The following B4GALT6 variants were observed in gnomAD, a reference collection of about 807,000 sequenced individuals.
B4GALT6 encodes the protein UDP-Gal:beta-GlcNAc beta-1,4-galactosyltransferase 6.
Under a neutral mutation model 46.3 loss-of-function variants are expected in B4GALT6, and 14 were observed. The observed-to-expected ratio is 0.30, with a 90% CI of 0.20 to 0.47. The LOEUF is 0.47. B4GALT6 is among the 20% of genes least tolerant of loss of function. The pLI, the probability that B4GALT6 is intolerant of heterozygous loss-of-function variation, is 0.99. For missense variants in B4GALT6, 386 were observed against 480.1 expected (o/e 0.80, Z 1.83); for synonymous variants, 168 against 162.0 (o/e 1.04, Z -0.28).
At chr18:31,680,530 C>T (rs1199558949) in intron 1 of B4GALT6, among the ~76,000 whole-genome samples, 1 of 152,108 alleles carries the variant, frequency 6.6e-6, no homozygotes, top group Non-Finnish European at 1.5e-5. Context: ...GGAAGTCAGA[C>T]CAAAGTGGCC....
At position 31,635,961 on chromosome 18, in the gene B4GALT6, T is replaced by C. The variant is rs561903911; in HGVS notation, c.588+2683A>G. 3.9e-5 allele frequency among the ~76,000 whole-genome samples: 6 copies of C among 152,284 alleles called. No homozygotes were observed. The South Asian group carries it at 1.2e-3, about 32-fold the overall frequency. On this transcript the variant is annotated intron_variant, in intron 5 of 8. Coordinates refer to ENST00000306851, the MANE Select transcript of B4GALT6 (RefSeq NM_004775.5). The stretch of plus-strand genomic sequence containing the variant: ...AAATAAAGCCTAGCAGACCTTTTAG[T>C]AGAAACTGACAAGCAGAGTCAATGG...
the B4GALT6 span, among the ~76,000 whole-genome samples, chr18:31,714,142 G>T: frequency 6.6e-6 from 1 of 152,168 alleles, no homozygotes. Flanking sequence ...TTAATTAAGT[G>T]TAAATAAAAT....
At chr18:31,697,106 A>G in the B4GALT6 span, among the ~76,000 whole-genome samples, 1 of 152,136 alleles carries the variant, frequency 6.6e-6, no homozygotes, top group South Asian at 2.1e-4. Flanking sequence ...TCCCATCTCT[A>G]CTAAAAAATA....
intron 1 of B4GALT6, among the ~76,000 whole-genome samples, chr18:31,683,754 C>T (rs1458911142): frequency 6.6e-6 from 1 of 151,980 alleles, no homozygotes; most frequent in Non-Finnish European, 1.5e-5. Flanking sequence ...AATAATGGAG[C>T]ATTGTTTTTA....
chr18:31,689,690 G>A (rs897440676), upstream of B4GALT6, among the ~76,000 whole-genome samples: 1 of 150,958 alleles, frequency 6.6e-6, no homozygotes, highest in African/African-American at 2.4e-5. Flanking sequence ...GTTGCAGTGA[G>A]CCGAGATCAC....
At chr18:31,655,572 C>T (rs1372663087) in intron 3 of B4GALT6, among the ~76,000 whole-genome samples, 1 of 151,988 alleles carries the variant, frequency 6.6e-6, no homozygotes, top group African/African-American at 2.4e-5. Context: ...GAGAGGAGTA[C>T]CAGAATGATG....
Position 31,673,939 on chromosome 18 carries a change from G to GACAC in B4GALT6, c.116-7571_116-7568dup, listed in dbSNP as rs749260872. Among the ~76,000 whole-genome samples, 35 of 150,634 alleles carry GACAC rather than the reference G, an allele frequency of 2.3e-4. No individual in the cohort carries two copies. The East Asian group carries it at 6.4e-3, about 28-fold the overall frequency. The stretch of plus-strand genomic sequence containing the variant: ...ACACTCTCACAGACACACACACACA[G>GACAC]ACACACACACACACACGAAGGCAAT... On this transcript the variant is annotated intron_variant, in intron 1 of 8. Transcript: ENST00000306851.
intron 6 of B4GALT6, 94 bp from the exon 7 acceptor site, chr18:31,627,215 T>A: frequency 2.0e-6 from 2 of 1,019,792 alleles, no homozygotes; most frequent in Non-Finnish European, 2.8e-6. Flanking sequence ...TTGCAAAATA[T>A]GCCCTTATAT....
intron 2 of B4GALT6, among the ~76,000 whole-genome samples, chr18:31,664,223 A>G (rs1365515713): frequency 1.3e-5 from 2 of 152,116 alleles, no homozygotes; most frequent in African/African-American, 2.4e-5. Context: ...AGAAAATGAA[A>G]AGTGTGTGAT....
At chr18:31,670,513 T>C (rs901943019) in intron 1 of B4GALT6, among the ~76,000 whole-genome samples, 5 of 152,196 alleles carry the variant, frequency 3.3e-5, no homozygotes, top group South Asian at 2.1e-4. Context: ...TTACAGCTAA[T>C]TGAGTTACAT....
intron 3 of B4GALT6, among the ~76,000 whole-genome samples, chr18:31,646,281 G>C (rs753568101): frequency 2.6e-5 from 4 of 152,206 alleles, no homozygotes; most frequent in Non-Finnish European, 5.9e-5. Context: ...ATTACTGGAG[G>C]TGTTCTTACT....
chr18:31,720,902 T>A, the B4GALT6 span, among the ~76,000 whole-genome samples: 1 of 152,160 alleles, frequency 6.6e-6, no homozygotes. Flanking sequence ...CCAAAGTGGC[T>A]GAGGCAGGGG....
chr18:31,656,756 G>A (rs2074145333), intron 3 of B4GALT6, among the ~76,000 whole-genome samples: 1 of 151,988 alleles, frequency 6.6e-6, no homozygotes, highest in African/African-American at 2.4e-5. Context: ...AAGAAGCCTG[G>A]GAATGTGAAA....
chr18:31,640,996 G>T (rs1173288906), intron 4 of B4GALT6, among the ~76,000 whole-genome samples: 1 of 152,248 alleles, frequency 6.6e-6, no homozygotes, highest in Non-Finnish European at 1.5e-5. Flanking sequence ...ATGTAGCTTA[G>T]TAAGTCAAGC....
At chr18:31,629,992 AAGG>A (rs912668027) in intron 6 of B4GALT6, among the ~76,000 whole-genome samples, 3 of 147,810 alleles carry the variant, frequency 2.0e-5, no homozygotes, top group Admixed American at 6.7e-5. Flanking sequence ...AAAAAAAAGG[AAGG>A]AGGAGGAGAA....
intron 1 of B4GALT6, among the ~76,000 whole-genome samples, chr18:31,678,333 T>C (rs1326268180): frequency 6.6e-6 from 1 of 152,114 alleles, no homozygotes; most frequent in East Asian, 1.9e-4. Flanking sequence ...TCTTTTTTTT[T>C]CCTCTCTCTC....
chr18:31,697,188 C>G, the B4GALT6 span, among the ~76,000 whole-genome samples: 1 of 152,094 alleles, frequency 6.6e-6, no homozygotes, highest in Non-Finnish European at 1.5e-5. Context: ...GGGAGGATCA[C>G]CTGAGCTTGG....
chr18:31,636,454 T>A (rs1194568525), intron 5 of B4GALT6, among the ~76,000 whole-genome samples: 1 of 152,166 alleles, frequency 6.6e-6, no homozygotes. Flanking sequence ...GAGAAAAAGA[T>A]CTGAACAGAA....
intron 1 of B4GALT6, among the ~76,000 whole-genome samples, chr18:31,682,545 AATTT>A (rs1226129952): frequency 5.3e-5 from 8 of 152,208 alleles, no homozygotes; most frequent in African/African-American, 1.9e-4. Flanking sequence ...AAATAAGGAA[AATTT>A]ATTAGTGTTT....
Sources: gnomAD v4.1 joint callset for allele counts (sites outside exome capture counted in the v4.1 genomes callset) on GRCh38, gnomAD v4.1.1 for gene constraint, MANE v1.5 for transcripts, NCBI Gene and HGNC (gene_info 2026-07-23, HGNC 2026-07-21) for gene names.